The following TMED3 variants were observed in gnomAD, a reference collection of about 807,000 sequenced individuals.
TMED3 encodes transmembrane emp24 domain-containing protein 3.
In TMED3, 9 loss-of-function variants were observed where a neutral mutation model predicts 15.0. The observed-to-expected ratio is 0.60, with a 90% CI of 0.36 to 1.04. The LOEUF (loss-of-function observed/expected upper bound fraction) is 1.04. Ranked by LOEUF, TMED3 falls within the 50% of genes least tolerant of loss-of-function variation. TMED3 has a pLI of 0.01. For missense variants in TMED3, 267 were observed against 278.9 expected (o/e 0.96, Z 0.30); for synonymous variants, 117 against 121.4 (o/e 0.96, Z 0.24).
At chr15:79,374,999 A>G (rs1379648531) in intron 2 of TMED3, among the ~76,000 whole-genome samples, 1 of 152,196 alleles carries the variant, frequency 6.6e-6, no homozygotes, top group African/African-American at 2.4e-5. Flanking sequence ...CAACAAAGCC[A>G]TCCTTAAATT....
At chr15:79,386,146 A>G (rs906457463) in intron 2 of TMED3, among the ~76,000 whole-genome samples, 1 of 152,196 alleles carries the variant, frequency 6.6e-6, no homozygotes, top group East Asian at 1.9e-4. Flanking sequence ...AGGGAGGAGC[A>G]ATTAGATTTT....
At chr15:79,401,198 C>T (rs1327484463) in intron 2 of TMED3, among the ~76,000 whole-genome samples, 2 of 152,154 alleles carry the variant, frequency 1.3e-5, no homozygotes, top group South Asian at 2.1e-4. Context: ...AGTTGAAGGA[C>T]TGCATGTATG....
chr15:79,377,534 C>T (rs1893447751), intron 2 of TMED3, among the ~76,000 whole-genome samples: 1 of 152,004 alleles, frequency 6.6e-6, no homozygotes, highest in Non-Finnish European at 1.5e-5. Flanking sequence ...AAATATCTAC[C>T]ATAGTGCATA....
intron 2 of TMED3, among the ~76,000 whole-genome samples, chr15:79,355,627 G>A (rs890858806): frequency 9.2e-5 from 14 of 152,132 alleles, no homozygotes; most frequent in African/African-American, 3.1e-4. Context: ...CAAATACACT[G>A]CAACCCTCAG....
At chr15:79,317,113 T>C (rs1469279379) in intron 2 of TMED3, among the ~76,000 whole-genome samples, 2 of 152,086 alleles carry the variant, frequency 1.3e-5, no homozygotes, top group African/African-American at 4.8e-5. Flanking sequence ...AGCTGTAGAG[T>C]ATCACCTGTT....
In TMED3 at chr15:79,352,673, A is replaced by ATAT. The variant is rs1555422865; in HGVS notation, c.417+38668_417+38669insTAT. On this transcript the variant is annotated intron_variant, in intron 2 of 2. Transcript: ENST00000424155. ...CAAGGTCATTAACTAAGAAAAAAAA[A>ATAT]ATATATATATATATGTAACTGAATA... is the stretch of plus-strand genomic sequence containing the variant. Among the ~76,000 whole-genome samples the ATAT allele has an allele frequency of 5.4e-3, 759 of 141,736 alleles. 11 individuals carry two copies. Among genetic ancestry groups the ATAT allele is most frequent in the Admixed American group, 0.017 (231 of 13,694 alleles). The allele number at this position is 141,736 out of a possible 152,430, so 93.0% of individuals were successfully genotyped here. A position where few individuals can be genotyped will look rare whatever the true frequency, so the allele number is the denominator to read the frequency against.
At chr15:79,355,943 A>G (rs2058917145) in intron 2 of TMED3, among the ~76,000 whole-genome samples, 1 of 152,200 alleles carries the variant, frequency 6.6e-6, no homozygotes. Context: ...GGGAGGTTTA[A>G]TTTTAGATGT....
chr15:79,368,031 C>G (rs1400220953), intron 2 of TMED3, among the ~76,000 whole-genome samples: 1 of 152,122 alleles, frequency 6.6e-6, no homozygotes, highest in Admixed American at 6.5e-5. Context: ...GGTCTCAGTG[C>G]CAGTGGATCC....
intron 2 of TMED3, among the ~76,000 whole-genome samples, chr15:79,341,235 C>T (rs1296251104): frequency 0.014 from 1 of 74 alleles, no homozygotes; most frequent in Non-Finnish European, 0.042. Flanking sequence ...GAAAGAAAGC[C>T]AGCAGGGGAA....
intron 2 of TMED3, among the ~76,000 whole-genome samples, chr15:79,363,449 G>A (rs8035280): frequency 0.4 from 58,203 of 145,648 alleles, 11,382 homozygotes; most frequent in East Asian, 0.54. Context: ...TATATTTAAG[G>A]AATGCTTATA....
chr15:79,367,302 A>G (rs1277131015), intron 2 of TMED3, among the ~76,000 whole-genome samples: 3 of 152,164 alleles, frequency 2.0e-5, no homozygotes, highest in African/African-American at 7.2e-5. Context: ...TTATCAAATC[A>G]AACTTGAAGT....
chr15:79,332,867 G>A (rs1194742684), intron 2 of TMED3, among the ~76,000 whole-genome samples: 2 of 152,108 alleles, frequency 1.3e-5, no homozygotes, highest in Non-Finnish European at 2.9e-5. Context: ...ATTTAACTTC[G>A]TCATTTCCAA....
chr15:79,329,500 C>T (rs933372937), intron 2 of TMED3, among the ~76,000 whole-genome samples: 4 of 152,222 alleles, frequency 2.6e-5, no homozygotes, highest in African/African-American at 9.6e-5. Context: ...CTCAGAGCCA[C>T]TATTGTTTGT....
intron 2 of TMED3, among the ~76,000 whole-genome samples, chr15:79,404,850 G>C (rs376565321): frequency 2.6e-5 from 4 of 152,192 alleles, no homozygotes; most frequent in East Asian, 3.9e-4. Flanking sequence ...CAGCATTCCT[G>C]CTTTGTTTAG....
intron 2 of TMED3, among the ~76,000 whole-genome samples, chr15:79,329,685 A>C (rs1185890740): frequency 6.6e-6 from 1 of 152,214 alleles, no homozygotes; most frequent in Non-Finnish European, 1.5e-5. Flanking sequence ...GGTAGCGGAG[A>C]TAAAAGCAGA....
exon 3 of TMED3, chr15:79,412,158 C>G (rs1893993578): frequency 1.3e-5 from 2 of 151,950 alleles, no homozygotes; most frequent in South Asian, 4.2e-4. Context: ...TATGGACATG[C>G]ACCAGCCCAG....
At chr15:79,360,973 C>T (rs1379543113) in intron 2 of TMED3, among the ~76,000 whole-genome samples, 1 of 147,840 alleles carries the variant, frequency 6.8e-6, no homozygotes. Flanking sequence ...CTCAGCCTCC[C>T]AAGCAGTTAC....
intron 2 of TMED3, among the ~76,000 whole-genome samples, chr15:79,317,865 A>G (rs567673385): frequency 6.6e-6 from 1 of 152,302 alleles, no homozygotes; most frequent in African/African-American, 2.4e-5. Context: ...CCTGCCTCTA[A>G]ACTGGTTCGC....
At chr15:79,412,338 C>G (rs1329531138) in exon 3 of TMED3, 1 of 152,384 alleles carries the variant, frequency 6.6e-6, no homozygotes, top group Non-Finnish European at 1.5e-5. Context: ...CAGCCTCCTC[C>G]TCCCCACACC....
Sources: gnomAD v4.1 joint callset for allele counts (sites outside exome capture counted in the v4.1 genomes callset) on GRCh38, gnomAD v4.1.1 for gene constraint, MANE v1.5 for transcripts, NCBI Gene and HGNC (gene_info 2026-07-23, HGNC 2026-07-21) for gene names.